The following KLHL8 variants were observed in gnomAD, a reference collection of about 807,000 sequenced individuals.
KLHL8 encodes kelch-like protein 8.
KLHL8 carries 38 observed loss-of-function variants against 63.5 expected under a neutral mutation model. That is an observed-to-expected ratio of 0.60 (90% CI 0.46 to 0.78). The LOEUF (loss-of-function observed/expected upper bound fraction) is 0.78, where lower values mean the gene tolerates loss of function less well. KLHL8 is among the 30% of genes least tolerant of loss of function. The probability of loss-of-function intolerance (pLI) is 0.00; values close to 1 mark genes in which losing one functional copy is unlikely to be tolerated. For missense variants in KLHL8, 566 were observed against 752.4 expected, an observed-to-expected ratio of 0.75 and a Z score of 2.90; for synonymous variants, 224 against 254.3, an observed-to-expected ratio of 0.88 and a Z score of 1.13.
At chr4:87,209,182 A>AT (rs1732285149) in intron 1 of KLHL8, among the ~76,000 whole-genome samples, 3 of 130,928 alleles carry the variant, frequency 2.3e-5, no homozygotes, top group Admixed American at 7.6e-5. Context: ...AAACAATCAG[A>AT]ATTTTTTTAA....
In KLHL8 at chr4:87,168,770, ATG is replaced by A. The variant is rs1428935171; in HGVS notation, c.1537+1307_1537+1308del. Among the ~76,000 whole-genome samples the A allele has an allele frequency of 4.3e-5, 6 of 138,166 alleles. No homozygotes were observed. In the Admixed American group the frequency reaches 4.6e-4, roughly 11 times the overall value. The allele number at this position is 138,166 out of a possible 152,430, so 90.6% of individuals were successfully genotyped here. A position where few individuals can be genotyped will look rare whatever the true frequency, so the allele number is the denominator to read the frequency against. On this transcript the variant is annotated intron_variant, in intron 8 of 9. Coordinates refer to ENST00000273963, the MANE Select transcript of KLHL8 (RefSeq NM_020803.5). ...CGTGTATATATGTGTGTGTATATAT[ATG>A]TGTATATATATACGTATATATACAC... is the stretch of plus-strand genomic sequence containing the variant.
At chr4:87,191,922 T>C (rs542356597) in intron 2 of KLHL8, among the ~76,000 whole-genome samples, 65 of 152,308 alleles carry the variant, frequency 4.3e-4, no homozygotes, top group African/African-American at 1.5e-3. Flanking sequence ...TGCGTGTATG[T>C]TGCTGCAAAT....
intron 4 of KLHL8, among the ~76,000 whole-genome samples, chr4:87,181,816 A>G (rs531097818): frequency 6.6e-6 from 1 of 152,148 alleles, no homozygotes; most frequent in Non-Finnish European, 1.5e-5. Flanking sequence ...TGTCTAGTAT[A>G]TTTTGGCATA....
chr4:87,222,969 T>C (rs1026978846), upstream of KLHL8, among the ~76,000 whole-genome samples: 34 of 152,140 alleles, frequency 2.2e-4, no homozygotes, highest in African/African-American at 8.0e-4. Context: ...TATTTTATTT[T>C]AGAGACAGAG....
intron 1 of KLHL8, among the ~76,000 whole-genome samples, chr4:87,213,244 C>G (rs1271793889): frequency 2.6e-5 from 4 of 152,160 alleles, no homozygotes; most frequent in African/African-American, 9.7e-5. Flanking sequence ...AATATGCGAA[C>G]TACATGCATG....
chr4:87,222,605 C>T (rs931362053), upstream of KLHL8, among the ~76,000 whole-genome samples: 11 of 151,866 alleles, frequency 7.2e-5, no homozygotes, highest in South Asian at 2.1e-4. Flanking sequence ...TTTTTTGAGA[C>T]GGAGTTTTGC....
At chr4:87,170,046 A>G (rs1467798999) in intron 8 of KLHL8, 33 bp downstream of exon 8, 1 of 1,548,706 alleles carries the variant, frequency 6.5e-7, no homozygotes, top group Non-Finnish European at 8.9e-7. Flanking sequence ...CATTGTATAT[A>G]CTGATATATT....
intron 1 of KLHL8, among the ~76,000 whole-genome samples, chr4:87,235,760 T>C (rs1172309987): frequency 6.6e-6 from 1 of 152,156 alleles, no homozygotes; most frequent in Non-Finnish European, 1.5e-5. Flanking sequence ...GCAGAATATC[T>C]CTCAAACCCT....
chr4:87,190,547 C>A (rs1405059351), intron 2 of KLHL8, among the ~76,000 whole-genome samples: 1 of 150,962 alleles, frequency 6.6e-6, no homozygotes, highest in East Asian at 2.0e-4. Flanking sequence ...GGGGGGCTGA[C>A]GTGGAAGAAT....
chr4:87,185,838 A>G, intron 2 of KLHL8, 39 bp from the exon 3 acceptor site: 2 of 1,486,644 alleles, frequency 1.3e-6, no homozygotes, highest in Non-Finnish European at 1.8e-6. Context: ...GTTTAATATC[A>G]AAATCAGCTT....
chr4:87,220,389 G>C (rs1214780337), intron 1 of KLHL8, 29 bp downstream of exon 1: 1 of 152,446 alleles, frequency 6.6e-6, no homozygotes, highest in Non-Finnish European at 1.5e-5. Context: ...GGAGACGAGG[G>C]GACTGAGGGG....
chr4:87,213,698 A>C (rs1433908296), intron 1 of KLHL8, among the ~76,000 whole-genome samples: 1 of 152,270 alleles, frequency 6.6e-6, no homozygotes, highest in African/African-American at 2.4e-5. Flanking sequence ...TTTGTTTACA[A>C]AAACAGGCAG....
intron 8 of KLHL8, among the ~76,000 whole-genome samples, chr4:87,165,468 A>G (rs1332345226): frequency 6.6e-5 from 10 of 151,882 alleles, no homozygotes. Flanking sequence ...ATCACAGCTC[A>G]CTGCACTCTC....
chr4:87,181,789 T>C (rs977483342), intron 4 of KLHL8, among the ~76,000 whole-genome samples: 1 of 152,208 alleles, frequency 6.6e-6, no homozygotes, highest in Non-Finnish European at 1.5e-5. Context: ...TTCAGTCATG[T>C]AGATCATTTA....
chr4:87,220,397 G>C (rs1227550905), intron 1 of KLHL8, 21 bp downstream of exon 1: 1 of 152,188 alleles, frequency 6.6e-6, no homozygotes, highest in African/African-American at 2.4e-5. Flanking sequence ...GGGGACTGAG[G>C]GGAGACGAGC....
chr4:87,180,235 A>T (rs189865407), intron 4 of KLHL8, among the ~76,000 whole-genome samples: 1 of 152,364 alleles, frequency 6.6e-6, no homozygotes. Flanking sequence ...TTATGCCAAC[A>T]TCTGTTACCA....
chr4:87,163,795 G>A (rs1235837423), intron 9 of KLHL8, 83 bp downstream of exon 9: 7 of 1,529,170 alleles, frequency 4.6e-6, no homozygotes, highest in African/African-American at 1.4e-5. Context: ...TATTAACTAC[G>A]ACTAGCAACA....
At chr4:87,221,660 T>C, upstream of KLHL8, among the ~76,000 whole-genome samples, 1 of 152,098 alleles carries the variant, frequency 6.6e-6, no homozygotes, top group South Asian at 2.1e-4. Flanking sequence ...ATTAGCACAT[T>C]GATTTTAATA....
intron 1 of KLHL8, among the ~76,000 whole-genome samples, chr4:87,230,500 T>C (rs113548927): frequency 2.0e-5 from 3 of 152,354 alleles, no homozygotes; most frequent in African/African-American, 7.2e-5. Flanking sequence ...TCATTCCAAC[T>C]GTCATGTAAT....
Sources: allele counts gnomAD v4.1 joint callset (sites outside exome capture counted in the v4.1 genomes callset), GRCh38; gene constraint gnomAD v4.1.1; transcripts MANE v1.5; gene names NCBI Gene and HGNC (gene_info 2026-07-23, HGNC 2026-07-21).